Variants in PRKD2 observed in about 807,000 individuals in gnomAD.
PRKD2 encodes the protein protein kinase D2, also known as serine/threonine-protein kinase D2.
Under a neutral mutation model 86.0 loss-of-function variants are expected in PRKD2, and 22 were observed. That is an observed-to-expected ratio of 0.26 (90% confidence interval 0.18 to 0.37). The LOEUF (loss-of-function observed/expected upper bound fraction) is 0.37. Ranked by LOEUF, PRKD2 falls within the 10% of genes least tolerant of loss-of-function variation. The pLI is 1.00. For missense variants in PRKD2, 818 were observed against 1,199.2 expected (o/e 0.68, Z 4.70); for synonymous variants, 509 against 510.9 (o/e 1.00, Z 0.05).
intron 5 of PRKD2, among the ~76,000 whole-genome samples, chr19:46,703,893 G>A (rs139064350): frequency 3.3e-5 from 5 of 151,602 alleles, no homozygotes; most frequent in African/African-American, 1.2e-4. Context: ...GCAGTGAGCC[G>A]TGATTGCGCC....
At chr19:46,686,049 G>C (rs1195896640) in intron 14 of PRKD2, 1 of 152,224 alleles carries the variant, frequency 6.6e-6, no homozygotes. Flanking sequence ...TGCCTGAGAG[G>C]ATAAGGGTGC....
In PRKD2 at chr19:46,716,902, G is replaced by C. The variant is rs1205012229; in HGVS notation, c.-532C>G. 2 of 152,196 alleles carry C rather than the reference G, an allele frequency of 1.3e-5. No homozygotes were observed. Among genetic ancestry groups the C allele is most frequent in the Non-Finnish European group, 2.9e-5 (2 of 68,112 alleles). 9.4% of individuals were successfully genotyped at this position (152,196 alleles called of 1,614,324 possible). On this transcript the variant is annotated 5_prime_UTR_variant, in exon 1 of 18. It adds an upstream start codon to the 5' untranslated region. Coordinates refer to ENST00000291281, the MANE Select transcript of PRKD2 (RefSeq NM_016457.5). This position sits in a 1 kb window ranked among gnomAD's most constrained non-coding sequence, Gnocchi z 7.9. ...TTCGCAGGGACCCGACCGGCCAGGG[G>C]ATGGGCAGAGGGGTCCCGAGGGCCG...
chr19:46,707,576 C>T (rs1449171368), intron 3 of PRKD2, among the ~76,000 whole-genome samples: 2 of 150,086 alleles, frequency 1.3e-5, no homozygotes, highest in African/African-American at 2.5e-5. Context: ...GGTGACGGAG[C>T]AAGACTCTGT....
chr19:46,702,038 G>T (rs56081403), intron 5 of PRKD2, among the ~76,000 whole-genome samples: 50,768 of 131,260 alleles, frequency 0.39, 9,240 homozygotes, highest in Admixed American at 0.47. Context: ...TCTGTTTTTT[G>T]TTTTTTTTTT....
chr19:46,704,028 C>T (rs2053675018), intron 5 of PRKD2, 141 bp downstream of exon 5: 2 of 1,251,530 alleles, frequency 1.6e-6, no homozygotes, highest in Admixed American at 2.6e-5. Flanking sequence ...TCCAAAGGTC[C>T]CAGAACACTA....
intron 5 of PRKD2, among the ~76,000 whole-genome samples, chr19:46,702,415 C>G (rs891585321): frequency 6.6e-6 from 1 of 152,120 alleles, no homozygotes; most frequent in Non-Finnish European, 1.5e-5. Flanking sequence ...GTCAACACTT[C>G]TAAGACTCTT....
chr19:46,688,442 ATTT>A (rs923962731), intron 14 of PRKD2, among the ~76,000 whole-genome samples: 34 of 139,352 alleles, frequency 2.4e-4, no homozygotes, highest in African/African-American at 7.6e-4. Flanking sequence ...TATTATTATT[ATTT>A]TTTTTTTTGA....
rs895861520 is a variant in PRKD2, at chr19:46,678,759, G to C, written c.2071-96C>G. 1.3e-4 allele frequency: 187 copies of C among 1,396,324 alleles called. No homozygotes were observed. Among genetic ancestry groups the C allele is most frequent in the Non-Finnish European group, 1.2e-4 (121 of 1,040,838 alleles). 86.5% of individuals were successfully genotyped at this position (1,396,324 alleles called of 1,614,324 possible). On this transcript the variant is annotated intron_variant, in intron 15 of 17. Transcript: ENST00000291281. This position sits in a 1 kb window ranked among gnomAD's most constrained non-coding sequence, Gnocchi z 5.7. The stretch of plus-strand genomic sequence containing the variant: ...CACCCTCCATGGTATTCCAGAGAAA[G>C]CTGGATGCTGGTTTGAATCCAGGCT...
At chr19:46,714,181 G>GC in intron 1 of PRKD2, 180 bp from the exon 2 acceptor site, 1 of 1,332,514 alleles carries the variant, frequency 7.5e-7, no homozygotes, top group South Asian at 1.9e-5. Context: ...GGATGCCAGC[G>GC]CCCCAATTGT....
At position 46,693,416 on chromosome 19, in the gene PRKD2, T is replaced by C. The variant is rs1000722204; in HGVS notation, c.1576+459A>G. Among the ~76,000 whole-genome samples, 1 of 152,164 alleles carries C rather than the reference T, an allele frequency of 6.6e-6. No homozygotes were observed. The highest frequency in any genetic ancestry group is 2.4e-5 in the African/African-American group (1 of 41,442). On this transcript the variant is annotated intron_variant, in intron 10 of 17. Coordinates refer to ENST00000291281, the MANE Select transcript of PRKD2 (RefSeq NM_016457.5). The surrounding 1 kb of genome is among the most constrained non-coding windows in gnomAD (Gnocchi z 4.5). ...AGGGCCACATATCAGGCCAGGAGCT[T>C]AACAGAGATTTGTTGTGGATTTTTG...
Position 46,678,735 on chromosome 19 carries a change from A to C in PRKD2, c.2071-72T>G. 6.7e-7 allele frequency: 1 copy of C among 1,490,238 alleles called. No homozygotes were observed. The allele number at this position is 1,490,238 out of a possible 1,614,324, so 92.3% of individuals were successfully genotyped here. A position where few individuals can be genotyped will look rare whatever the true frequency, so the allele number is the denominator to read the frequency against. ...CCCACCCCAGCATCCCCACCACACC[A>C]CCCTCCATGGTATTCCAGAGAAAGC... On this transcript the variant is annotated intron_variant, in intron 15 of 17. Transcript: ENST00000291281. This position sits in a 1 kb window ranked among gnomAD's most constrained non-coding sequence, Gnocchi z 5.7.
At position 46,704,586 on chromosome 19, in the gene PRKD2, CG is replaced by C; in HGVS notation, c.574del (p.Arg192AlafsTer31). The C allele has an allele frequency of 1.2e-6, 2 of 1,613,980 alleles. No homozygotes were observed. Among genetic ancestry groups the C allele is most frequent in the South Asian group, 1.1e-5 (1 of 91,070 alleles). On this transcript the variant is annotated frameshift_variant, in exon 4 of 18. Transcript: ENST00000291281. LOFTEE classifies it high-confidence loss of function. Reference sequence around the variant, plus strand: ...AGACGTGGATGACAGGCGCCGTTTGCGGGCCCCACTACAGTTGTTGGGGATG... The same window carrying C: ...AGACGTGGATGACAGGCGCCGTTTGCGGCCCCACTACAGTTGTTGGGGATG... Reference protein sequence around the residue: ...FSIPNNCSGARKRRLSSTSLA... With the variant: ...FSIPNNCSGAXKRRLSSTSLA...
At position 46,710,971 on chromosome 19, in the gene PRKD2, A is replaced by C. The variant is rs1203936158; in HGVS notation, c.447T>G (p.Pro149=). ...TCTCCCCGCAGTGATCACAGAAGGC[A>C]GGCGCCCGATAGGAGTGCACCGTGA... ...HALTVHSYRA[P]AFCDHCGEML... is the part of the protein sequence containing the mutation. Residue 149 remains proline (P), a synonymous_variant, in exon 3 of 18, where the codon CCT becomes CCG. Coordinates refer to ENST00000291281, the MANE Select transcript of PRKD2 (RefSeq NM_016457.5). 6.3e-7 allele frequency: 1 copy of C among 1,576,534 alleles called. No homozygotes were observed. The highest frequency in any genetic ancestry group is 1.2e-5 in the South Asian group (1 of 85,940).
chr19:46,680,946 A>ATATATATATATATATATATATTTTT, intron 15 of PRKD2, among the ~76,000 whole-genome samples: 7 of 48,228 alleles, frequency 1.5e-4, no homozygotes, highest in Non-Finnish European at 2.4e-4. Context: ...ATATATATAT[A>ATATATATATATATATATATATTTTT]TTTTTTTTTT....
chr19:46,696,350 G>T (rs73565145), intron 9 of PRKD2, among the ~76,000 whole-genome samples: 10 of 152,078 alleles, frequency 6.6e-5, no homozygotes, highest in African/African-American at 2.4e-4. Context: ...GAGGTCAGAA[G>T]CAAGGACCCT....
At chr19:46,712,269 G>C (rs771515897) in intron 2 of PRKD2, among the ~76,000 whole-genome samples, 2 of 149,886 alleles carry the variant, frequency 1.3e-5, no homozygotes, top group Non-Finnish European at 3.0e-5. Flanking sequence ...GGCCGGGAGC[G>C]GTGGCTCACA....
chr19:46,698,712 T>G (rs531067692), intron 7 of PRKD2, among the ~76,000 whole-genome samples: 1 of 152,202 alleles, frequency 6.6e-6, no homozygotes, highest in East Asian at 1.9e-4. Context: ...TCCCAACACT[T>G]TGGGAGGCAG....
At chr19:46,689,826 G>A (rs2053457919) in intron 13 of PRKD2, 128 bp from the exon 14 acceptor site, 2 of 1,093,886 alleles carry the variant, frequency 1.8e-6, no homozygotes, top group Middle Eastern at 2.9e-4. Flanking sequence ...ACTTGGAGAG[G>A]GAAGGGGGCT....
chr19:46,687,552 C>T (rs2053419714), intron 14 of PRKD2, among the ~76,000 whole-genome samples: 1 of 152,200 alleles, frequency 6.6e-6, no homozygotes, highest in Admixed American at 6.6e-5. Flanking sequence ...TCAGTTTCTT[C>T]AACCATAAAA....
Sources: allele counts gnomAD v4.1 joint callset (sites outside exome capture counted in the v4.1 genomes callset), GRCh38; gene constraint gnomAD v4.1.1; non-coding constraint Gnocchi (gnomAD v3.1); transcripts MANE v1.5; gene names NCBI Gene and HGNC (gene_info 2026-07-23, HGNC 2026-07-21).